The following ADAMTSL3 variants were observed in gnomAD, a reference collection of about 807,000 sequenced individuals.
ADAMTSL3 encodes ADAMTS like 3.
Under a neutral mutation model 201.7 loss-of-function variants are expected in ADAMTSL3, and 128 were observed. The ratio of observed to expected loss-of-function variants is 0.63; its 90% CI spans 0.55 to 0.73. ADAMTSL3 has a LOEUF of 0.73. Among genes scored for constraint, ADAMTSL3 ranks in the 30% least tolerant of loss-of-function variants. The pLI is 0.00. For synonymous variants in ADAMTSL3, 738 were observed against 748.4 expected, an observed-to-expected ratio of 0.99 and a Z score of 0.23; for missense variants, 1,990 against 2,119.6, an observed-to-expected ratio of 0.94 and a Z score of 1.20.
intron 3 of ADAMTSL3, among the ~76,000 whole-genome samples, chr15:83,711,847 C>T (rs1260860412): frequency 6.6e-6 from 1 of 152,114 alleles, no homozygotes; most frequent in East Asian, 1.9e-4. Flanking sequence ...ACATTTTCCT[C>T]TTTCAGTGTC....
At chr15:83,763,029 A>G (rs1175544409) in intron 3 of ADAMTSL3, among the ~76,000 whole-genome samples, 1 of 151,926 alleles carries the variant, frequency 6.6e-6, no homozygotes, top group East Asian at 1.9e-4. Context: ...TGGGACTACA[A>G]GTGCACACCA....
chr15:83,795,651 T>C (rs2063413729), intron 4 of ADAMTSL3, among the ~76,000 whole-genome samples: 1 of 152,206 alleles, frequency 6.6e-6, no homozygotes, highest in Non-Finnish European at 1.5e-5. Flanking sequence ...GTTGGAACAG[T>C]GGACCTGTTC....
intron 28 of ADAMTSL3, 24 bp from the exon 29 acceptor site, chr15:84,036,749 G>C: frequency 1.3e-6 from 2 of 1,578,086 alleles, no homozygotes; most frequent in Non-Finnish European, 1.7e-6. Context: ...TTGTTTTTCC[G>C]TTTTGTTTTA....
intron 28 of ADAMTSL3, among the ~76,000 whole-genome samples, chr15:84,033,911 C>T (rs1428196613): frequency 1.3e-5 from 2 of 151,706 alleles, no homozygotes; most frequent in Non-Finnish European, 2.9e-5. Flanking sequence ...GGGTTTTAGA[C>T]CAAGAGATAT....
chr15:83,961,416 G>A (rs145564371), intron 19 of ADAMTSL3, among the ~76,000 whole-genome samples: 195 of 152,186 alleles, frequency 1.3e-3, no homozygotes, highest in African/African-American at 4.3e-3. Context: ...ACAAAATAAG[G>A]GGAATTAATT....
At chr15:83,968,072 T>TA (rs2067122757) in intron 19 of ADAMTSL3, among the ~76,000 whole-genome samples, 1 of 152,086 alleles carries the variant, frequency 6.6e-6, no homozygotes, top group South Asian at 2.1e-4. Context: ...CCTAAAACCA[T>TA]AAAAACCCTA....
intron 17 of ADAMTSL3, among the ~76,000 whole-genome samples, chr15:83,931,353 A>G (rs1200906473): frequency 1.3e-5 from 2 of 152,244 alleles, no homozygotes; most frequent in African/African-American, 4.8e-5. Flanking sequence ...AAATAAAAAC[A>G]GCTCCATCTC....
Position 83,804,636 on chromosome 15 carries a change from C to CT in ADAMTSL3, c.318-8dup. On this transcript the variant is annotated splice_polypyrimidine_tract_variant and intron_variant, in intron 4 of 29. Coordinates refer to ENST00000286744, the MANE Select transcript of ADAMTSL3 (RefSeq NM_207517.3). ...AATCATTATTTCTTCTTTCTTCTTT[C>CT]TTTTTTCCTTTAGGAATTGTGAAGG... is the stretch of plus-strand genomic sequence containing the variant. 8.7e-7 allele frequency: 1 copy of CT among 1,154,126 alleles called. No individual in the cohort carries two copies. Among genetic ancestry groups the CT allele is most frequent in the Non-Finnish European group, 1.2e-6 (1 of 866,410 alleles). The allele number at this position is 1,154,126 out of a possible 1,614,324, so 71.5% of individuals were successfully genotyped here.
intron 2 of ADAMTSL3, among the ~76,000 whole-genome samples, chr15:83,684,834 A>G (rs1158824923): frequency 1.3e-5 from 2 of 152,090 alleles, no homozygotes; most frequent in East Asian, 1.9e-4. Context: ...TTCTTTATAT[A>G]TGTTCATTTT....
intron 19 of ADAMTSL3, among the ~76,000 whole-genome samples, chr15:83,968,397 T>A (rs978642011): frequency 6.6e-6 from 1 of 152,176 alleles, no homozygotes; most frequent in Non-Finnish European, 1.5e-5. Context: ...AAGGAGACAT[T>A]TATGCGGCCA....
At chr15:83,846,249 A>G (rs2064495624) in intron 7 of ADAMTSL3, among the ~76,000 whole-genome samples, 1 of 152,190 alleles carries the variant, frequency 6.6e-6, no homozygotes, top group Non-Finnish European at 1.5e-5. Flanking sequence ...TATGTGTGAC[A>G]TTATTTATTC....
At chr15:83,842,804 G>C (rs927348600) in intron 7 of ADAMTSL3, among the ~76,000 whole-genome samples, 7 of 152,194 alleles carry the variant, frequency 4.6e-5, no homozygotes, top group Admixed American at 2.0e-4. Flanking sequence ...GATGAGGGGA[G>C]TAAGGGAGAA....
rs59768967 is a variant in ADAMTSL3 at position 83,966,667 on chromosome 15, T to C, written c.2491-3817T>C. On this transcript the variant is annotated intron_variant, in intron 19 of 29. Transcript: ENST00000286744. ...CAATAGAAAAAGAAGGACTCCTCCC[T>C]AACTCATTTTATGAGGACAGCATCA... Among the ~76,000 whole-genome samples, 1,259 of 152,258 alleles carry C rather than the reference T, an allele frequency of 8.3e-3. 16 individuals carry two copies. The highest frequency in any genetic ancestry group is 0.029 in the African/African-American group (1,200 of 41,540).
intron 7 of ADAMTSL3, among the ~76,000 whole-genome samples, chr15:83,841,371 G>A (rs553826163): frequency 6.6e-6 from 1 of 152,282 alleles, no homozygotes; most frequent in African/African-American, 2.4e-5. Flanking sequence ...TTAAGAAATT[G>A]GGGTCCGGAG....
intron 20 of ADAMTSL3, among the ~76,000 whole-genome samples, chr15:83,971,574 A>G (rs68134289): frequency 0.16 from 23,075 of 141,016 alleles, 2,542 homozygotes; most frequent in Middle Eastern, 0.33. Context: ...AAAAAAAAAA[A>G]AAAGAAAGAA....
At position 83,669,988 on chromosome 15, in the gene ADAMTSL3, T is replaced by G. The variant is rs570466689; in HGVS notation, c.69+14158T>G. 2.6e-5 allele frequency among the ~76,000 whole-genome samples: 4 copies of G among 151,592 alleles called. No individual in the cohort carries two copies. In the South Asian group the frequency reaches 8.4e-4, roughly 32 times the overall value. On this transcript the variant is annotated intron_variant, in intron 2 of 29. Coordinates refer to ENST00000286744, the MANE Select transcript of ADAMTSL3 (RefSeq NM_207517.3). The stretch of plus-strand genomic sequence containing the variant: ...TATACAACATAGGGGCTGAGCATGG[T>G]GGCTCACGCTTGTAATCCCAGCACT...
chr15:83,960,219 T>A (rs2066940340), intron 19 of ADAMTSL3, among the ~76,000 whole-genome samples: 1 of 152,144 alleles, frequency 6.6e-6, no homozygotes, highest in Admixed American at 6.6e-5. Flanking sequence ...AAAATTCCAT[T>A]TTCCTCCTTT....
intron 25 of ADAMTSL3, among the ~76,000 whole-genome samples, chr15:84,018,644 G>C (rs2068134338): frequency 6.6e-6 from 1 of 152,116 alleles, no homozygotes; most frequent in Admixed American, 6.5e-5. Flanking sequence ...TGTGGCCTCA[G>C]AATGGAAATA....
chr15:83,835,812 C>T (rs956369886), intron 6 of ADAMTSL3, among the ~76,000 whole-genome samples: 2 of 152,058 alleles, frequency 1.3e-5, no homozygotes, highest in Admixed American at 6.6e-5. Flanking sequence ...TGTAACTGGG[C>T]TTTTGTTGTT....
Sources: allele counts gnomAD v4.1 joint callset (sites outside exome capture counted in the v4.1 genomes callset), GRCh38; gene constraint gnomAD v4.1.1; transcripts MANE v1.5; gene names NCBI Gene and HGNC (gene_info 2026-07-23, HGNC 2026-07-21).